Variants in MICU2 observed in about 807,000 individuals in gnomAD.
The protein encoded by MICU2 is calcium uptake protein 2, mitochondrial.
MICU2 carries 64 observed loss-of-function variants against 60.4 expected under a neutral mutation model. The ratio of observed to expected loss-of-function variants is 1.06; its 90% CI spans 0.87 to 1.31. MICU2 has a LOEUF of 1.31. MICU2 is among the 50% of genes most tolerant of loss of function. The pLI, the probability that MICU2 is intolerant of heterozygous loss-of-function variation, is 0.00. For synonymous variants in MICU2, 201 were observed against 175.0 expected (o/e 1.15, Z -1.17); for missense variants, 569 against 531.0 (o/e 1.07, Z -0.70).
intron 2 of MICU2, among the ~76,000 whole-genome samples, chr13:21,564,237 T>C (rs767373066): frequency 6.6e-6 from 1 of 152,222 alleles, no homozygotes; most frequent in Non-Finnish European, 1.5e-5. Flanking sequence ...TTTTTTGTTC[T>C]AAGTTAGTCA....
chr13:21,516,834 A>G (rs963908343), intron 6 of MICU2, among the ~76,000 whole-genome samples: 2 of 152,228 alleles, frequency 1.3e-5, no homozygotes, highest in African/African-American at 4.8e-5. Context: ...TAATGCTACT[A>G]TATTAAGTGT....
intron 4 of MICU2, among the ~76,000 whole-genome samples, chr13:21,538,882 T>C (rs1230937333): frequency 6.6e-6 from 1 of 152,176 alleles, no homozygotes; most frequent in Admixed American, 6.5e-5. Flanking sequence ...TCTCAGTCCT[T>C]AGCTCACTCA....
chr13:21,553,920 CAA>C (rs1452963362), intron 2 of MICU2, among the ~76,000 whole-genome samples: 1 of 151,546 alleles, frequency 6.6e-6, no homozygotes, highest in Non-Finnish European at 1.5e-5. Context: ...CAACAAAGAT[CAA>C]AAGAGACACA....
chr13:21,592,051 C>CA lies in MICU2; in HGVS notation c.210+11887dup, dbSNP rs35580121. Among the ~76,000 whole-genome samples the CA allele has an allele frequency of 8.2e-3, 1,183 of 143,928 alleles. 5 individuals carry two copies. Among genetic ancestry groups the CA allele is most frequent in the African/African-American group, 0.019 (715 of 37,782 alleles). The allele number at this position is 143,928 out of a possible 152,430, so 94.4% of individuals were successfully genotyped here. ...AGGAGATAGAGACAAGAAAATCCTC[C>CA]AAAAAAAAAAAATCAACAAATCCAG... On this transcript the variant is annotated intron_variant, in intron 1 of 11. Transcript: ENST00000382374.
chr13:21,578,111 AG>A, intron 1 of MICU2, among the ~76,000 whole-genome samples: 1 of 152,262 alleles, frequency 6.6e-6, no homozygotes, highest in East Asian at 1.9e-4. Flanking sequence ...ACCCTGAGTA[AG>A]TTTTTATCAA....
chr13:21,525,059 T>C, intron 4 of MICU2, among the ~76,000 whole-genome samples: 1 of 152,220 alleles, frequency 6.6e-6, no homozygotes, highest in Non-Finnish European at 1.5e-5. Flanking sequence ...ATGTGGTTAC[T>C]GTGAATAATG....
intron 4 of MICU2, among the ~76,000 whole-genome samples, chr13:21,537,469 C>CTTTT: frequency 8.1e-6 from 1 of 124,066 alleles, no homozygotes; most frequent in Admixed American, 7.9e-5. Context: ...TTCTTTCTTT[C>CTTTT]TTTTTTTTTT....
chr13:21,581,028 C>A (rs1348605449), intron 1 of MICU2, among the ~76,000 whole-genome samples: 6 of 152,056 alleles, frequency 3.9e-5, no homozygotes, highest in African/African-American at 1.5e-4. Context: ...ATTACCTGAT[C>A]TGAAGGTAAC....
chr13:21,582,710 G>GT (rs1020373565), intron 1 of MICU2, among the ~76,000 whole-genome samples: 2 of 152,100 alleles, frequency 1.3e-5, no homozygotes, highest in African/African-American at 4.8e-5. Context: ...TGCCATAAGT[G>GT]TTTTTCCCAC....
intron 1 of MICU2, among the ~76,000 whole-genome samples, chr13:21,601,417 G>T (rs1005363810): frequency 6.6e-6 from 1 of 152,108 alleles, no homozygotes; most frequent in Admixed American, 6.6e-5. Flanking sequence ...CCACTGTCTC[G>T]GTCCAATAGC....
chr13:21,549,438 T>C (rs1041791683), intron 2 of MICU2, among the ~76,000 whole-genome samples: 1 of 152,150 alleles, frequency 6.6e-6, no homozygotes, highest in African/African-American at 2.4e-5. Context: ...GATTCATTTG[T>C]GGAATTTCAA....
chr13:21,573,483 AG>A (rs1408057937), intron 1 of MICU2, among the ~76,000 whole-genome samples: 3 of 152,164 alleles, frequency 2.0e-5, no homozygotes. Context: ...CGTCTTAGCC[AG>A]GATGGTCTTG....
At chr13:21,522,184 C>T (rs1886734990) in intron 5 of MICU2, among the ~76,000 whole-genome samples, 1 of 152,170 alleles carries the variant, frequency 6.6e-6, no homozygotes, top group African/African-American at 2.4e-5. Context: ...TTTTCCTATT[C>T]TAGGATTAAA....
At chr13:21,552,952 T>C (rs1887610376) in intron 2 of MICU2, among the ~76,000 whole-genome samples, 2 of 152,212 alleles carry the variant, frequency 1.3e-5, no homozygotes, top group South Asian at 4.1e-4. Context: ...AGTAGTTTTT[T>C]CCAATTCTGT....
intron 4 of MICU2, among the ~76,000 whole-genome samples, chr13:21,534,955 T>A (rs1294639668): frequency 6.6e-6 from 1 of 152,142 alleles, no homozygotes; most frequent in African/African-American, 2.4e-5. Flanking sequence ...TAATTCCATA[T>A]AAAGGTCATA....
At chr13:21,599,058 C>T (rs1285309278) in intron 1 of MICU2, among the ~76,000 whole-genome samples, 3 of 152,150 alleles carry the variant, frequency 2.0e-5, no homozygotes, top group Non-Finnish European at 4.4e-5. Flanking sequence ...AACTGTACTC[C>T]TATGAGAATC....
intron 2 of MICU2, among the ~76,000 whole-genome samples, chr13:21,558,466 T>C (rs925380708): frequency 3.3e-5 from 5 of 152,234 alleles, no homozygotes; most frequent in Non-Finnish European, 7.3e-5. Context: ...TTATTTTAAT[T>C]GAATTTGTTA....
intron 4 of MICU2, among the ~76,000 whole-genome samples, chr13:21,525,595 T>C (rs1566147579): frequency 6.8e-6 from 1 of 147,664 alleles, no homozygotes; most frequent in Non-Finnish European, 1.5e-5. Context: ...TGTATTTTCT[T>C]TTTTTTTTTA....
At chr13:21,577,091 A>G (rs1399078788) in intron 1 of MICU2, among the ~76,000 whole-genome samples, 1 of 152,240 alleles carries the variant, frequency 6.6e-6, no homozygotes. Context: ...CAATTCAGAA[A>G]ACAAAACGTG....
Sources: allele counts gnomAD v4.1 joint callset (sites outside exome capture counted in the v4.1 genomes callset), GRCh38; gene constraint gnomAD v4.1.1; transcripts MANE v1.5; gene names NCBI Gene and HGNC (gene_info 2026-07-23, HGNC 2026-07-21).